XRCC4: variants seen among roughly 807,000 people sequenced by gnomAD.
XRCC4 encodes the protein DNA repair protein XRCC4.
A neutral mutation model predicts 39.1 loss-of-function variants in XRCC4; 28 were observed. The ratio of observed to expected loss-of-function variants is 0.72; its 90% CI spans 0.53 to 0.98. The LOEUF (loss-of-function observed/expected upper bound fraction) is 0.98. Among genes scored for constraint, XRCC4 ranks in the 50% least tolerant of loss-of-function variants. XRCC4 has a pLI of 0.00. For synonymous variants in XRCC4, 123 were observed against 126.4 expected (o/e 0.97, Z 0.18); for missense variants, 350 against 376.4 (o/e 0.93, Z 0.58).
At chr5:83,359,142 C>T in the XRCC4 span, among the ~76,000 whole-genome samples, 176 of 152,212 alleles carry the variant, frequency 1.2e-3, 4 homozygotes, top group South Asian at 1.0e-2. Flanking sequence ...AAATGACCCA[C>T]GCTGCAGTCT....
rs1754607487 is a variant in XRCC4 at position 83,283,094 on chromosome 5, T to C, written c.893+24417T>C. On this transcript the variant is annotated intron_variant, in intron 7 of 7. Transcript: ENST00000396027. Reference sequence around the variant, plus strand: ...TTTTTGCAAAAAAACAAAAAAGGAATTGACAACAAATAGTCCACAAGCCAC... The same window carrying C: ...TTTTTGCAAAAAAACAAAAAAGGAACTGACAACAAATAGTCCACAAGCCAC... Among the ~76,000 whole-genome samples, 3 of 150,840 alleles carry C rather than the reference T, an allele frequency of 2.0e-5. No individual in the cohort carries two copies. The South Asian group carries it at 6.3e-4, about 32-fold the overall frequency.
chr5:83,191,328 G>T (rs1463667164), intron 3 of XRCC4, among the ~76,000 whole-genome samples: 3 of 152,306 alleles, frequency 2.0e-5, no homozygotes, highest in African/African-American at 7.2e-5. Context: ...GGAACCTGGT[G>T]GGAGGTGATT....
chr5:83,332,226 TACACACAC>T lies in XRCC4; in HGVS notation c.894-20871_894-20864del, dbSNP rs67822741. On this transcript the variant is annotated intron_variant, in intron 7 of 7. Transcript: ENST00000396027. ...CTTGAATATGAACATTTCAATCTTC[TACACACAC>T]ACACACACACACACACACACACACA... Among the ~76,000 whole-genome samples the T allele has an allele frequency of 6.2e-3, 881 of 142,028 alleles. 17 individuals carry two copies. In the East Asian group the frequency reaches 0.078, roughly 13 times the overall value. The allele number at this position is 142,028 out of a possible 152,430, so 93.2% of individuals were successfully genotyped here. A position where few individuals can be genotyped will look rare whatever the true frequency, so the allele number is the denominator to read the frequency against.
At chr5:83,322,561 G>T (rs1434706959) in intron 7 of XRCC4, among the ~76,000 whole-genome samples, 1 of 152,140 alleles carries the variant, frequency 6.6e-6, no homozygotes, top group African/African-American at 2.4e-5. Flanking sequence ...ATATGGCAAA[G>T]ACTTTGTGGG....
intron 7 of XRCC4, among the ~76,000 whole-genome samples, chr5:83,304,581 T>C (rs1386329192): frequency 6.6e-6 from 1 of 152,232 alleles, no homozygotes; most frequent in Non-Finnish European, 1.5e-5. Flanking sequence ...ACAAATCTAC[T>C]CTCTGTGATT....
intron 3 of XRCC4, among the ~76,000 whole-genome samples, chr5:83,158,068 C>T (rs893363919): frequency 3.3e-5 from 5 of 152,012 alleles, no homozygotes; most frequent in Admixed American, 1.3e-4. Flanking sequence ...TATGAGGAAG[C>T]ACTCCTTAAA....
intron 3 of XRCC4, among the ~76,000 whole-genome samples, chr5:83,123,906 A>C (rs61286961): frequency 0.051 from 7,815 of 152,192 alleles, 631 homozygotes; most frequent in African/African-American, 0.17. Flanking sequence ...TACTTTTAAC[A>C]GTTAACTTAC....
chr5:83,128,732 G>A (rs1747404818), intron 3 of XRCC4, among the ~76,000 whole-genome samples: 1 of 152,154 alleles, frequency 6.6e-6, no homozygotes, highest in African/African-American at 2.4e-5. Flanking sequence ...CAGTGATGAT[G>A]AGCATTTTTT....
intron 6 of XRCC4, among the ~76,000 whole-genome samples, chr5:83,250,807 A>G (rs1336161371): frequency 6.6e-6 from 1 of 152,262 alleles, no homozygotes; most frequent in African/African-American, 2.4e-5. Context: ...AAGCATCTAT[A>G]TAAGAAGAAA....
intron 3 of XRCC4, among the ~76,000 whole-genome samples, chr5:83,158,600 T>C (rs570062253): frequency 6.6e-6 from 1 of 152,094 alleles, no homozygotes; most frequent in Non-Finnish European, 1.5e-5. Flanking sequence ...AAGTAATTCA[T>C]GAATAGACAA....
chr5:83,283,672 T>C (rs993309047), intron 7 of XRCC4, among the ~76,000 whole-genome samples: 3 of 152,188 alleles, frequency 2.0e-5, no homozygotes, highest in Non-Finnish European at 2.9e-5. Flanking sequence ...TTCTTACTGT[T>C]TTCATTCTCT....
At chr5:83,329,256 G>T (rs1325851362) in intron 7 of XRCC4, among the ~76,000 whole-genome samples, 1 of 152,072 alleles carries the variant, frequency 6.6e-6, no homozygotes, top group Non-Finnish European at 1.5e-5. Flanking sequence ...GGCTGAAAGA[G>T]TGCAACCCCA....
At position 83,186,941 on chromosome 5, in the gene XRCC4, A is replaced by ATTTTTTTTTTTTTTTTTTTT. The variant is rs770811313; in HGVS notation, c.316-8828_316-8809dup. On this transcript the variant is annotated intron_variant, in intron 3 of 7. Transcript: ENST00000396027. Reference sequence around the variant, plus strand: ...TTTTGGCTCATGGCCTGCTTCTTCCATTTTTTTTTTTTTTTTTTTTGAGAC... The same window carrying ATTTTTTTTTTTTTTTTTTTT: ...TTTTGGCTCATGGCCTGCTTCTTCCATTTTTTTTTTTTTTTTTTTTTTTTTTTTTTTTTTTTTTTTGAGAC... 6.9e-5 allele frequency among the ~76,000 whole-genome samples: 6 copies of ATTTTTTTTTTTTTTTTTTTT among 87,496 alleles called. 1 individual carries two copies. Among genetic ancestry groups the ATTTTTTTTTTTTTTTTTTTT allele is most frequent in the African/African-American group, 3.6e-4 (6 of 16,636 alleles). The allele number at this position is 87,496 out of a possible 152,430, so 57.4% of individuals were successfully genotyped here. A position where few individuals can be genotyped will look rare whatever the true frequency, so the allele number is the denominator to read the frequency against.
chr5:83,115,259 C>T (rs548667936), intron 3 of XRCC4, among the ~76,000 whole-genome samples: 1 of 152,214 alleles, frequency 6.6e-6, no homozygotes, highest in African/African-American at 2.4e-5. Flanking sequence ...GAAACCCCGT[C>T]TCTACTAAGA....
intron 7 of XRCC4, among the ~76,000 whole-genome samples, chr5:83,319,970 A>G (rs935331264): frequency 2.0e-5 from 3 of 148,228 alleles, no homozygotes; most frequent in Non-Finnish European, 3.0e-5. Flanking sequence ...ATGTCCAACA[A>G]TGATAGTCTG....
In XRCC4 at chr5:83,353,021, T is replaced by A. The variant is rs1026923506; in HGVS notation, c.894-110T>A. 10 of 869,218 alleles carry A rather than the reference T, an allele frequency of 1.2e-5. No individual in the cohort carries two copies. The African/African-American group carries it at 1.6e-4, about 14-fold the overall frequency. 53.8% of individuals were successfully genotyped at this position (869,218 alleles called of 1,614,324 possible). On this transcript the variant is annotated intron_variant, in intron 7 of 7. Coordinates refer to ENST00000396027, the MANE Select transcript of XRCC4 (RefSeq NM_003401.5). ...ATAGAGAAATAAATCTCTAAACCAA[T>A]TTGAAACAGGATTTAACTGTCATTT...
chr5:83,204,726 G>T, intron 5 of XRCC4, 89 bp from the exon 6 acceptor site: 4 of 839,164 alleles, frequency 4.8e-6, no homozygotes, highest in South Asian at 4.6e-5. Flanking sequence ...CTTTTTCTAG[G>T]AATATTTTCT....
At chr5:83,214,830 C>T (rs1307380111) in intron 6 of XRCC4, among the ~76,000 whole-genome samples, 2 of 120,098 alleles carry the variant, frequency 1.7e-5, no homozygotes, top group Admixed American at 9.9e-5. Flanking sequence ...GAGCAAGACT[C>T]CTTCTCAAAA....
intron 6 of XRCC4, 122 bp from the exon 7 acceptor site, chr5:83,258,408 T>C: frequency 8.2e-7 from 1 of 1,220,472 alleles, no homozygotes; most frequent in Non-Finnish European, 1.2e-6. Flanking sequence ...CATAAAGATT[T>C]GAAAGAATAG....
Sources: allele counts gnomAD v4.1 joint callset (sites outside exome capture counted in the v4.1 genomes callset), GRCh38; gene constraint gnomAD v4.1.1; transcripts MANE v1.5; gene names NCBI Gene and HGNC (gene_info 2026-07-23, HGNC 2026-07-21).